VWC2: variants seen among roughly 807,000 people sequenced by gnomAD.
VWC2 encodes the protein von Willebrand factor C domain containing 2, also known as brorin.
A neutral mutation model predicts 29.8 loss-of-function variants in VWC2; 14 were observed. The ratio of observed to expected loss-of-function variants is 0.47; its 90% CI spans 0.31 to 0.74. The LOEUF is 0.74. Among genes scored for constraint, VWC2 ranks in the 30% least tolerant of loss-of-function variants. VWC2 has a pLI of 0.05. For missense variants in VWC2, 457 were observed against 459.8 expected, an observed-to-expected ratio of 0.99 and a Z score of 0.05; for synonymous variants, 213 against 199.0, an observed-to-expected ratio of 1.07 and a Z score of -0.59.
Position 49,802,852 on chromosome 7 carries a change from C to T in VWC2, c.826+12C>T. On this transcript the variant is annotated intron_variant, in intron 3 of 3. Coordinates refer to ENST00000340652, the MANE Select transcript of VWC2 (RefSeq NM_198570.5). ...CATCTGCAAAAATGGTATGTGAGAT[C>T]CCCGTTGGTGACGGGGTGCACCTCC... 1 of 1,614,090 alleles carries T rather than the reference C, an allele frequency of 6.2e-7. No individual in the cohort carries two copies. The highest frequency in any genetic ancestry group is 1.1e-5 in the South Asian group (1 of 91,072).
At chr7:49,797,331 T>C (rs994977119) in intron 2 of VWC2, among the ~76,000 whole-genome samples, 4 of 152,232 alleles carry the variant, frequency 2.6e-5, no homozygotes, top group Non-Finnish European at 4.4e-5. Context: ...GGGGTTTTCA[T>C]GCCTCCCATT....
At position 49,829,032 on chromosome 7, in the gene VWC2, T is replaced by G. The variant is rs191059583; in HGVS notation, c.826+26192T>G. Reference sequence around the variant, plus strand: ...CACAGCTCCTCTCTCTCTCTCTGCCTCATGGCTAACCCTGCCGCTTCCCAG... The same window carrying G: ...CACAGCTCCTCTCTCTCTCTCTGCCGCATGGCTAACCCTGCCGCTTCCCAG... On this transcript the variant is annotated intron_variant, in intron 3 of 3. Coordinates refer to ENST00000340652, the MANE Select transcript of VWC2 (RefSeq NM_198570.5). Among the ~76,000 whole-genome samples, 196 of 152,316 alleles carry G rather than the reference T, an allele frequency of 1.3e-3. 1 individual carries two copies. Among genetic ancestry groups the G allele is most frequent in the Non-Finnish European group, 2.3e-3 (156 of 68,022 alleles).
At chr7:49,818,291 A>G (rs775973253) in intron 3 of VWC2, among the ~76,000 whole-genome samples, 7 of 152,216 alleles carry the variant, frequency 4.6e-5, no homozygotes, top group Non-Finnish European at 1.0e-4. Context: ...CTTCAACACT[A>G]AAAATCTATT....
intron 2 of VWC2, among the ~76,000 whole-genome samples, chr7:49,800,392 T>C (rs1398501299): frequency 6.6e-6 from 1 of 152,198 alleles, no homozygotes; most frequent in African/African-American, 2.4e-5. Context: ...TGGCCTTCTT[T>C]TAAATTCCCA....
At chr7:49,857,395 T>G in intron 3 of VWC2, among the ~76,000 whole-genome samples, 1 of 152,254 alleles carries the variant, frequency 6.6e-6, no homozygotes, top group South Asian at 2.1e-4. Context: ...TATTCCAATG[T>G]AGGCATATAG....
chr7:49,897,619 CAGGACAA>C (rs1792454939), intron 3 of VWC2, among the ~76,000 whole-genome samples: 1 of 152,190 alleles, frequency 6.6e-6, no homozygotes, highest in African/African-American at 2.4e-5. Flanking sequence ...TCAGAGGTCA[CAGGACAA>C]ACTGTTACTC....
intron 3 of VWC2, among the ~76,000 whole-genome samples, chr7:49,840,509 GTGTAATAA>G (rs1789770304): frequency 6.6e-6 from 1 of 152,172 alleles, no homozygotes; most frequent in Non-Finnish European, 1.5e-5. Context: ...CTCAAGTGCT[GTGTAATAA>G]TGTTTAGCGG....
chr7:49,892,626 G>A (rs1406125492), intron 3 of VWC2, among the ~76,000 whole-genome samples: 1 of 152,192 alleles, frequency 6.6e-6, no homozygotes, highest in Non-Finnish European at 1.5e-5. Context: ...GCATTTTTGT[G>A]TGTGCTCTCT....
intron 3 of VWC2, among the ~76,000 whole-genome samples, chr7:49,856,609 C>T (rs1453814777): frequency 1.3e-5 from 2 of 152,144 alleles, no homozygotes; most frequent in African/African-American, 2.4e-5. Context: ...TTAGTGTTTA[C>T]AATTTGGTGA....
chr7:49,776,241 G>C, intron 2 of VWC2, 110 bp downstream of exon 2: 1 of 976,404 alleles, frequency 1.0e-6, no homozygotes, highest in Non-Finnish European at 1.5e-6. Flanking sequence ...GGTTCTGAGA[G>C]GTGGAGAGCA....
chr7:49,800,740 C>G (rs1213670075), intron 2 of VWC2, among the ~76,000 whole-genome samples: 2 of 151,572 alleles, frequency 1.3e-5, no homozygotes, highest in African/African-American at 4.9e-5. Flanking sequence ...GTATATATCC[C>G]CCTTGAGACA....
chr7:49,853,713 A>AT lies in VWC2; in HGVS notation c.826+50879dup, dbSNP rs1790292814. ...TCTTTAGGAGCATTAAAAACATTTA[A>AT]TTTTTTATTTTTTTATTATACTTTA... On this transcript the variant is annotated intron_variant, in intron 3 of 3. Coordinates refer to ENST00000340652, the MANE Select transcript of VWC2 (RefSeq NM_198570.5). 2.6e-5 allele frequency among the ~76,000 whole-genome samples: 4 copies of AT among 151,914 alleles called. No homozygotes were observed. The South Asian group carries it at 8.3e-4, about 32-fold the overall frequency.
chr7:49,866,336 G>A (rs111361613), intron 3 of VWC2, among the ~76,000 whole-genome samples: 7 of 152,252 alleles, frequency 4.6e-5, no homozygotes, highest in East Asian at 1.9e-4. Flanking sequence ...CCTGACTGGC[G>A]TTCTTCCCTC....
At chr7:49,806,279 A>G (rs1381203773) in intron 3 of VWC2, among the ~76,000 whole-genome samples, 1 of 152,210 alleles carries the variant, frequency 6.6e-6, no homozygotes, top group Non-Finnish European at 1.5e-5. Flanking sequence ...GCAAGTATAC[A>G]TGTCATCTTA....
intron 2 of VWC2, among the ~76,000 whole-genome samples, chr7:49,788,909 AGAGT>A (rs911564118): frequency 7.5e-5 from 10 of 132,762 alleles, no homozygotes; most frequent in Admixed American, 2.2e-4. Flanking sequence ...TGTGGGTGTG[AGAGT>A]GTGTGTGGCC....
At chr7:49,897,517 C>A (rs1473143560) in intron 3 of VWC2, among the ~76,000 whole-genome samples, 1 of 152,174 alleles carries the variant, frequency 6.6e-6, no homozygotes, top group Non-Finnish European at 1.5e-5. Context: ...AGTTTCCAGT[C>A]TGGCATGTAG....
intron 3 of VWC2, among the ~76,000 whole-genome samples, chr7:49,865,041 T>C (rs972485328): frequency 1.3e-5 from 2 of 152,208 alleles, no homozygotes; most frequent in Admixed American, 1.3e-4. Context: ...ATATTTATTC[T>C]TAAAGATCTT....
chr7:49,840,518 T>C (rs1789770500), intron 3 of VWC2, among the ~76,000 whole-genome samples: 1 of 152,142 alleles, frequency 6.6e-6, no homozygotes, highest in Admixed American at 6.5e-5. Flanking sequence ...TGTGTAATAA[T>C]GTTTAGCGGT....
At chr7:49,869,818 G>A (rs1791062675) in intron 3 of VWC2, among the ~76,000 whole-genome samples, 1 of 152,036 alleles carries the variant, frequency 6.6e-6, no homozygotes, top group African/African-American at 2.4e-5. Flanking sequence ...GTACATATAT[G>A]TTTTTTCATA....
Sources: allele counts gnomAD v4.1 joint callset (sites outside exome capture counted in the v4.1 genomes callset), GRCh38; gene constraint gnomAD v4.1.1; transcripts MANE v1.5; gene names NCBI Gene and HGNC (gene_info 2026-07-23, HGNC 2026-07-21).